The following PDE1C variants were observed in gnomAD, a reference collection of about 807,000 sequenced individuals.
PDE1C encodes phosphodiesterase 1C.
In PDE1C, 62 loss-of-function variants were observed where a neutral mutation model predicts 93.1. The observed-to-expected ratio is 0.67, with a 90% CI of 0.54 to 0.82. The LOEUF (loss-of-function observed/expected upper bound fraction) is 0.82. Among genes scored for constraint, PDE1C ranks in the 40% least tolerant of loss-of-function variants. The probability of loss-of-function intolerance (pLI) is 0.00; values close to 1 mark genes in which losing one functional copy is unlikely to be tolerated. For synonymous variants in PDE1C, 325 were observed against 310.1 expected (o/e 1.05, Z -0.50); for missense variants, 742 against 884.6 (o/e 0.84, Z 2.04).
rs565117788 is a variant in PDE1C, at chr7:31,884,776, C to T, written c.129-3916G>A. On this transcript the variant is annotated intron_variant, in intron 2 of 17. Transcript: ENST00000396191. ...GGCTATTCTTTGGGCAAAAGAGTTTCAAATTAGCTCTTTTATCATTGGCCA... is the reference window on the plus strand; with the variant it reads ...GGCTATTCTTTGGGCAAAAGAGTTTTAAATTAGCTCTTTTATCATTGGCCA... Among the ~76,000 whole-genome samples the T allele has an allele frequency of 6.6e-5, 10 of 152,298 alleles. No homozygotes were observed. The South Asian group carries it at 2.1e-3, about 32-fold the overall frequency.
chr7:32,389,202 T>TTGTG (rs1554316211), intron 1 of PDE1C, among the ~76,000 whole-genome samples: 1 of 136,260 alleles, frequency 7.3e-6, no homozygotes, highest in Admixed American at 7.5e-5. Flanking sequence ...TTTTTTTGGT[T>TTGTG]TTTGTTTGTT....
chr7:31,652,139 C>A, the PDE1C span: 2 of 1,015,540 alleles, frequency 2.0e-6, no homozygotes, highest in Non-Finnish European at 3.0e-6. Flanking sequence ...GCAATCATTT[C>A]AGAATCTAGG....
chr7:32,375,108 G>A (rs1190930174), intron 1 of PDE1C, among the ~76,000 whole-genome samples: 1 of 152,168 alleles, frequency 6.6e-6, no homozygotes, highest in African/African-American at 2.4e-5. Context: ...GTATCCCAGG[G>A]CTACTAGCAG....
At chr7:31,681,408 G>A in the PDE1C span, among the ~76,000 whole-genome samples, 2 of 148,508 alleles carry the variant, frequency 1.3e-5, no homozygotes, top group African/African-American at 2.6e-5. Context: ...TGGATGGATG[G>A]ATGGATGAAT....
At chr7:32,087,977 TG>T (rs1315331213) in intron 3 of PDE1C, among the ~76,000 whole-genome samples, 8 of 151,366 alleles carry the variant, frequency 5.3e-5, no homozygotes. Flanking sequence ...ATTGTGCACA[TG>T]TACCCTAAAA....
At chr7:32,291,882 G>T (rs1004502327) in intron 1 of PDE1C, among the ~76,000 whole-genome samples, 1 of 152,144 alleles carries the variant, frequency 6.6e-6, no homozygotes, top group African/African-American at 2.4e-5. Flanking sequence ...AGAAATTGTG[G>T]CCCAGGTTAA....
At chr7:32,298,063 TCC>T (rs1193436779) in intron 1 of PDE1C, among the ~76,000 whole-genome samples, 4,773 of 36,916 alleles carry the variant, frequency 0.13, 1,870 homozygotes, top group East Asian at 0.25. Flanking sequence ...TCTCTCTCTC[TCC>T]CCTCTCTCTC....
chr7:32,071,194 C>T, upstream of PDE1C: 3 of 985,452 alleles, frequency 3.0e-6, no homozygotes, highest in Non-Finnish European at 3.6e-6. Context: ...CGTGGGCTTC[C>T]GGAACCCTCA....
chr7:32,399,491 G>T (rs1784902406), intron 1 of PDE1C, among the ~76,000 whole-genome samples: 1 of 151,782 alleles, frequency 6.6e-6, no homozygotes, highest in African/African-American at 2.4e-5. Flanking sequence ...CTCTCACTAT[G>T]TCCTCATGTG....
In PDE1C at chr7:32,214,730, AT is replaced by A. The variant is rs1313412655; in HGVS notation, c.86-5192del. On this transcript the variant is annotated intron_variant, in intron 1 of 18. Coordinates refer to the PDE1C transcript ENST00000396193. ...CAACCATTAAGATGCAAACCTAACT[AT>A]GGAGACCTATTAGTGGGCAACTCTT... Among the ~76,000 whole-genome samples, 6 of 152,286 alleles carry A rather than the reference AT, an allele frequency of 3.9e-5. No individual in the cohort carries two copies. The East Asian group carries it at 1.2e-3, about 29-fold the overall frequency.
At chr7:32,009,714 C>T (rs1020273595) in intron 2 of PDE1C, among the ~76,000 whole-genome samples, 10 of 152,196 alleles carry the variant, frequency 6.6e-5, no homozygotes, top group Admixed American at 1.3e-4. Flanking sequence ...AGAAAGAAAA[C>T]GTATGCAGAC....
chr7:31,974,742 A>T (rs927999536), intron 2 of PDE1C, among the ~76,000 whole-genome samples: 10 of 152,202 alleles, frequency 6.6e-5, no homozygotes, highest in African/African-American at 2.4e-4. Flanking sequence ...AAAAACCTGT[A>T]GTGTGGGAAT....
intron 3 of PDE1C, among the ~76,000 whole-genome samples, chr7:32,140,655 C>T (rs756821649): frequency 1.3e-5 from 2 of 152,194 alleles, no homozygotes; most frequent in Non-Finnish European, 2.9e-5. Context: ...CTTTCTGAGG[C>T]CTTAAGCTTG....
intron 1 of PDE1C, among the ~76,000 whole-genome samples, chr7:32,368,438 AG>A (rs972419186): frequency 6.6e-6 from 1 of 152,186 alleles, no homozygotes; most frequent in Non-Finnish European, 1.5e-5. Flanking sequence ...TCTGGGAATA[AG>A]GAACCAAGGA....
intron 2 of PDE1C, among the ~76,000 whole-genome samples, chr7:32,017,686 AG>A (rs1311444527): frequency 3.3e-5 from 5 of 152,320 alleles, no homozygotes; most frequent in Non-Finnish European, 5.9e-5. Flanking sequence ...AAATGAATAA[AG>A]GATCTGAATA....
At chr7:31,832,578 C>T (rs962174772) in intron 11 of PDE1C, among the ~76,000 whole-genome samples, 2 of 152,138 alleles carry the variant, frequency 1.3e-5, no homozygotes, top group African/African-American at 4.8e-5. Flanking sequence ...ATTTAAAAAT[C>T]TATAGTTAAG....
chr7:32,228,945 C>T (rs1248551990), intron 1 of PDE1C, among the ~76,000 whole-genome samples: 2 of 152,162 alleles, frequency 1.3e-5, no homozygotes, highest in Non-Finnish European at 2.9e-5. Flanking sequence ...GCAGGGCAGG[C>T]AAAGGCAGCA....
chr7:31,944,169 C>A (rs1224570480), intron 2 of PDE1C, among the ~76,000 whole-genome samples: 1 of 152,170 alleles, frequency 6.6e-6, no homozygotes, highest in African/African-American at 2.4e-5. Context: ...ATCCCCAGCA[C>A]AAGACACACC....
At chr7:32,378,584 G>A (rs2128089604) in intron 1 of PDE1C, among the ~76,000 whole-genome samples, 1 of 152,310 alleles carries the variant, frequency 6.6e-6, no homozygotes, top group East Asian at 1.9e-4. Flanking sequence ...TACTCCTGCA[G>A]ATAATATCAC....
Sources: allele counts gnomAD v4.1 joint callset (sites outside exome capture counted in the v4.1 genomes callset), GRCh38; gene constraint gnomAD v4.1.1; transcripts MANE v1.5; gene names NCBI Gene and HGNC (gene_info 2026-07-23, HGNC 2026-07-21).